The following EHD1 variants were observed in gnomAD, a reference collection of about 807,000 sequenced individuals.
EHD1 encodes EH domain containing 1, also known as EH domain-containing protein 1.
Under a neutral mutation model 39.0 loss-of-function variants are expected in EHD1, and 19 were observed. The observed-to-expected ratio is 0.49, with a 90% CI of 0.34 to 0.72. EHD1 has a LOEUF of 0.72. Ranked by LOEUF, EHD1 falls within the 30% of genes least tolerant of loss-of-function variation. EHD1 has a pLI of 0.01. For missense variants in EHD1, 542 were observed against 751.5 expected (o/e 0.72, Z 3.26); for synonymous variants, 323 against 331.2 (o/e 0.98, Z 0.27).
At chr11:64,863,086 A>G (rs965554286) in intron 2 of EHD1, among the ~76,000 whole-genome samples, 1 of 152,174 alleles carries the variant, frequency 6.6e-6, no homozygotes, top group African/African-American at 2.4e-5. Context: ...GTCTTCCCAC[A>G]GGTCCCAGGC....
chr11:64,862,956 G>A (rs781354534), intron 2 of EHD1, among the ~76,000 whole-genome samples: 10 of 152,208 alleles, frequency 6.6e-5, no homozygotes, highest in Non-Finnish European at 1.5e-4. Flanking sequence ...GAAGAGTAAG[G>A]AGTGACAGGC....
Position 64,860,167 on chromosome 11 carries a change from G to A in EHD1, c.672C>T (p.Ile224=), listed in dbSNP as rs377293606. Reference sequence around the variant, plus strand: ...ACACCCGCATCAGCTGCTGCGTCTCGATCTGGTCTGCCTTGTTCAGCACCA... The same window carrying A: ...ACACCCGCATCAGCTGCTGCGTCTCAATCTGGTCTGCCTTGTTCAGCACCA... ...IRVVLNKADQ[I]ETQQLMRVYG... The change falls in exon 3 of 5, where the codon ATC becomes ATT. Residue 224 remains isoleucine (I), a synonymous_variant. Transcript: ENST00000320631. 5.0e-6 allele frequency: 8 copies of A among 1,614,016 alleles called. No individual in the cohort carries two copies. Among genetic ancestry groups the A allele is most frequent in the Admixed American group, 3.3e-5 (2 of 60,012 alleles).
intron 3 of EHD1, among the ~76,000 whole-genome samples, chr11:64,857,879 C>T (rs887243516): frequency 6.6e-6 from 1 of 152,160 alleles, no homozygotes; most frequent in African/African-American, 2.4e-5. Context: ...ACCCTGGTAC[C>T]CCCTGCATGC....
intron 2 of EHD1, among the ~76,000 whole-genome samples, chr11:64,866,378 G>A (rs1943766907): frequency 6.6e-6 from 1 of 152,176 alleles, no homozygotes; most frequent in African/African-American, 2.4e-5. Flanking sequence ...GCCTACTTGA[G>A]GGTGGAATGG....
intron 1 of EHD1, among the ~76,000 whole-genome samples, chr11:64,875,162 T>C (rs1247085662): frequency 6.6e-6 from 1 of 151,976 alleles, no homozygotes; most frequent in Non-Finnish European, 1.5e-5. Flanking sequence ...CATATCTGAG[T>C]TTCACACTAA....
chr11:64,857,380 C>T (rs577269728), intron 3 of EHD1, among the ~76,000 whole-genome samples: 34 of 152,130 alleles, frequency 2.2e-4, no homozygotes, highest in African/African-American at 6.8e-4. Flanking sequence ...GCCGAGATTG[C>T]GCCACTGCAC....
chr11:64,872,748 C>G (rs911766072), intron 2 of EHD1, among the ~76,000 whole-genome samples: 1 of 152,314 alleles, frequency 6.6e-6, no homozygotes, highest in South Asian at 2.1e-4. Flanking sequence ...CAGTCCCACA[C>G]GGGCAAGGCC....
chr11:64,878,694 G>T (rs1335414551), upstream of EHD1: 2 of 1,354,998 alleles, frequency 1.5e-6, no homozygotes, highest in South Asian at 1.9e-5. Context: ...CGCGGCGGGG[G>T]CAGGGCGGAA....
upstream of EHD1, chr11:64,878,862 G>A (rs1429595621): frequency 1.8e-6 from 2 of 1,088,022 alleles, no homozygotes; most frequent in African/African-American, 1.7e-5. Context: ...TCGTAGGGAG[G>A]CTCGCGAAAG....
intron 1 of EHD1, chr11:64,875,586 T>C (rs1943876868): frequency 1.3e-5 from 2 of 152,228 alleles, no homozygotes; most frequent in Admixed American, 6.5e-5. Context: ...CTGAAAAAGG[T>C]AGTGAGAGCA....
chr11:64,870,015 G>A (rs1565722755), intron 2 of EHD1, among the ~76,000 whole-genome samples: 2 of 152,200 alleles, frequency 1.3e-5, no homozygotes, highest in African/African-American at 4.8e-5. Context: ...GACCACCAGA[G>A]GGCAAACGAG....
chr11:64,879,589 A>C (rs1326013597), upstream of EHD1: 3 of 1,550,948 alleles, frequency 1.9e-6, no homozygotes. Context: ...ATTTACTGGG[A>C]TCTGTGCCCT....
chr11:64,874,659 C>G, intron 1 of EHD1, 141 bp from the exon 2 acceptor site: 2 of 656,848 alleles, frequency 3.0e-6, no homozygotes, highest in Non-Finnish European at 4.7e-6. Flanking sequence ...GGTTTTCTAT[C>G]GTCTTAGTTT....
At chr11:64,870,875 T>C (rs568949895) in intron 2 of EHD1, among the ~76,000 whole-genome samples, 61 of 152,242 alleles carry the variant, frequency 4.0e-4, no homozygotes, top group African/African-American at 1.5e-3. Flanking sequence ...AGGAGAACGG[T>C]ATCTTTAAAG....
chr11:64,853,915 G>A lies in EHD1; in HGVS notation c.*418C>T, dbSNP rs557947963. On this transcript the variant is annotated 3_prime_UTR_variant, in exon 5 of 5. Coordinates refer to ENST00000320631, the MANE Select transcript of EHD1 (RefSeq NM_006795.4). ...AAGCAACCTCAGCTCAGAAGCACAC[G>A]GAGGGTGCCTGGTGTTCCTGTCCAT... The A allele has an allele frequency of 3.5e-5, 7 of 202,090 alleles. No individual in the cohort carries two copies. Among genetic ancestry groups the A allele is most frequent in the East Asian group, 1.1e-4 (1 of 8,820 alleles). 12.5% of individuals were successfully genotyped at this position (202,090 alleles called of 1,614,324 possible). A position where few individuals can be genotyped will look rare whatever the true frequency, so the allele number is the denominator to read the frequency against.
At chr11:64,856,616 A>T (rs1943656256) in intron 3 of EHD1, 1 of 152,286 alleles carries the variant, frequency 6.6e-6, no homozygotes, top group African/African-American at 2.4e-5. Flanking sequence ...GCTCCAGCCC[A>T]TCCACCACCC....
chr11:64,854,505 T>G lies in EHD1; in HGVS notation c.1433A>C (p.Asn478Thr). The change falls in exon 5 of 5, where the codon AAC becomes ACC. Residue 478 changes from asparagine (N) to threonine (T), a missense_variant. Coordinates refer to ENST00000320631, the MANE Select transcript of EHD1 (RefSeq NM_006795.4). ...KKEMVKSKLP[N>T]TVLGKIWKLA... is the part of the protein sequence containing the mutation. ...CTTCCAGATCTTCCCTAGCACGGTG[T>G]TGGGGAGCTTGGACTTCACCATCTC... 1 of 1,614,158 alleles carries G rather than the reference T, an allele frequency of 6.2e-7. No homozygotes were observed. Among genetic ancestry groups the G allele is most frequent in the Admixed American group, 1.7e-5 (1 of 60,028 alleles).
At chr11:64,878,760 T>A (rs2136508317), upstream of EHD1, 19 of 1,278,364 alleles carry the variant, frequency 1.5e-5, no homozygotes, top group Non-Finnish European at 1.8e-5. Context: ...TGGTGCCACG[T>A]CTTCCCCTAC....
intron 2 of EHD1, among the ~76,000 whole-genome samples, chr11:64,869,223 C>T (rs112773437): frequency 1.5e-3 from 223 of 152,372 alleles, no homozygotes; most frequent in African/African-American, 4.8e-3. Flanking sequence ...AGGTGCTGAG[C>T]GCGGGCAGCG....
Sources: gnomAD v4.1 joint callset for allele counts (sites outside exome capture counted in the v4.1 genomes callset) on GRCh38, gnomAD v4.1.1 for gene constraint, MANE v1.5 for transcripts, NCBI Gene and HGNC (gene_info 2026-07-23, HGNC 2026-07-21) for gene names.